The following ZSWIM2 variants were observed in gnomAD, a reference collection of about 807,000 sequenced individuals.
ZSWIM2 encodes E3 ubiquitin-protein ligase ZSWIM2.
In ZSWIM2, 38 loss-of-function variants were observed where a neutral mutation model predicts 48.4. The observed-to-expected ratio is 0.79, with a 90% CI of 0.61 to 1.03. The LOEUF is 1.03. ZSWIM2 is among the 50% of genes least tolerant of loss of function. ZSWIM2 has a pLI of 0.00. For missense variants in ZSWIM2, 776 were observed against 730.2 expected (o/e 1.06, Z -0.72); for synonymous variants, 240 against 251.3 (o/e 0.96, Z 0.42).
In ZSWIM2 at chr2:186,839,072, A is replaced by T. The variant is rs1293271311; in HGVS notation, c.381T>A (p.Asn127Lys). The change falls in exon 4 of 9, where the codon AAT becomes AAA. Residue 127 changes from asparagine to lysine, a missense_variant. Transcript: ENST00000295131. ...TGTACCCATCTTCTTCAACATGTTC[A>T]TTTTCGTCATTTGTTCCTGGTTGGG... ...QTPQPGTNDE[N>K]EHVEEDGYIK... The T allele has an allele frequency of 6.2e-7, 1 of 1,611,706 alleles. No individual in the cohort carries two copies. The highest frequency in any genetic ancestry group is 1.1e-5 in the South Asian group (1 of 90,986).
intron 4 of ZSWIM2, among the ~76,000 whole-genome samples, chr2:186,838,564 G>T (rs968579699): frequency 6.7e-6 from 1 of 150,054 alleles, no homozygotes; most frequent in Non-Finnish European, 1.5e-5. Context: ...GTGGGAAGAG[G>T]AATAATTGTG....
chr2:186,847,942 G>T, intron 1 of ZSWIM2, 147 bp from the exon 2 acceptor site: 1 of 494,726 alleles, frequency 2.0e-6, no homozygotes, highest in Non-Finnish European at 3.6e-6. Context: ...CTTAATTCTT[G>T]ATACTAGTCT....
chr2:186,838,357 A>AAG (rs1201008600), intron 4 of ZSWIM2, among the ~76,000 whole-genome samples: 1 of 151,276 alleles, frequency 6.6e-6, no homozygotes, highest in African/African-American at 2.4e-5. Flanking sequence ...TAAAAAAAAA[A>AAG]AAAGATTTGT....
At chr2:186,843,696 A>G (rs932068191) in intron 3 of ZSWIM2, among the ~76,000 whole-genome samples, 1 of 151,554 alleles carries the variant, frequency 6.6e-6, no homozygotes, top group Non-Finnish European at 1.5e-5. Context: ...AGTATTTAAG[A>G]TGCCCATGGG....
rs1053110018 is a variant in ZSWIM2 at position 186,837,475 on chromosome 2, A to G, written c.574T>C (p.Leu192=). Residue 192 remains leucine (L), a synonymous_variant, in exon 5 of 9, where the codon TTG becomes CTG. Transcript: ENST00000295131. ...NYQSTSNTSM[L]KCPLCRKEFA... ...TCTTTCCTGCACAGAGGACATTTCA[A>G]CATGGAAGTGTTTGATGTACTCTGA... 6.8e-6 allele frequency: 11 copies of G among 1,612,658 alleles called. No individual in the cohort carries two copies. The highest frequency in any genetic ancestry group is 9.3e-6 in the Non-Finnish European group (11 of 1,179,164).
chr2:186,839,126 C>G lies in ZSWIM2; in HGVS notation c.327G>C (p.Leu109Phe). 6.2e-7 allele frequency: 1 copy of G among 1,611,558 alleles called. No individual in the cohort carries two copies. Among genetic ancestry groups the G allele is most frequent in the Non-Finnish European group, 8.5e-7 (1 of 1,178,220 alleles). ...TTTGAACTCGATGTATCCCCCGAAG[C>G]AAGTCACTTATCTCTCTTTCTCCAA... ...LGLGEREISD[L>F]LRGIHRVQTP... Residue 109 changes from leucine (L) to phenylalanine (F), a missense_variant, in exon 4 of 9, where the codon TTG (leucine) becomes TTC (phenylalanine). Transcript: ENST00000295131.
At chr2:186,840,230 A>T (rs1691880259) in intron 3 of ZSWIM2, among the ~76,000 whole-genome samples, 1 of 151,676 alleles carries the variant, frequency 6.6e-6, no homozygotes. Flanking sequence ...TCTCTAAAAA[A>T]GGAGAGAAAA....
At chr2:186,843,585 A>G (rs1450251829) in intron 3 of ZSWIM2, among the ~76,000 whole-genome samples, 1 of 151,656 alleles carries the variant, frequency 6.6e-6, no homozygotes, top group African/African-American at 2.4e-5. Flanking sequence ...AGAGAAAAAA[A>G]TCAGAGAGAA....
chr2:186,839,865 T>C (rs889110257), intron 3 of ZSWIM2, among the ~76,000 whole-genome samples: 2 of 151,684 alleles, frequency 1.3e-5, no homozygotes, highest in Admixed American at 1.3e-4. Context: ...TCCTAGATTC[T>C]TCATTCCTTG....
At chr2:186,845,664 T>C (rs971456924) in intron 2 of ZSWIM2, among the ~76,000 whole-genome samples, 1 of 151,476 alleles carries the variant, frequency 6.6e-6, no homozygotes, top group Non-Finnish European at 1.5e-5. Context: ...ATTAAAATAA[T>C]ATTAATAATT....
chr2:186,843,999 T>C (rs73979378), intron 3 of ZSWIM2, among the ~76,000 whole-genome samples: 2,313 of 151,796 alleles, frequency 0.015, 62 homozygotes, highest in African/African-American at 0.053. Context: ...AAACTAATTA[T>C]CACTTTAATT....
chr2:186,829,916 T>C (rs748310928), intron 7 of ZSWIM2, 36 bp from the exon 8 acceptor site: 8 of 1,610,102 alleles, frequency 5.0e-6, no homozygotes, highest in South Asian at 4.4e-5. Flanking sequence ...AGTGTTTACA[T>C]GTTATTATAG....
At chr2:186,831,717 C>T (rs1691703107) in intron 7 of ZSWIM2, among the ~76,000 whole-genome samples, 1 of 152,036 alleles carries the variant, frequency 6.6e-6, no homozygotes, top group African/African-American at 2.4e-5. Flanking sequence ...GAGCTCATGT[C>T]CTTTGTAGGG....
At position 186,827,484 on chromosome 2, in the gene ZSWIM2, CAT is replaced by C. The variant is rs1460647792; in HGVS notation, c.*498_*499del. Among the ~76,000 whole-genome samples, 3 of 151,692 alleles carry C rather than the reference CAT, an allele frequency of 2.0e-5. No individual in the cohort carries two copies. Among genetic ancestry groups the C allele is most frequent in the African/African-American group, 7.3e-5 (3 of 41,378 alleles). On this transcript the variant is annotated 3_prime_UTR_variant, in exon 9 of 9. Transcript: ENST00000295131. ...AACATTAAGACCATTATAAATGTGA[CAT>C]AGCTGATAGTATTTCATTTTATTTT...
At chr2:186,832,200 C>T (rs1045680322) in intron 7 of ZSWIM2, among the ~76,000 whole-genome samples, 6 of 151,768 alleles carry the variant, frequency 4.0e-5, no homozygotes, top group East Asian at 3.9e-4. Flanking sequence ...CTGCAACCTC[C>T]GGCTTCCAGG....
At chr2:186,846,949 T>G (rs1692014771) in intron 2 of ZSWIM2, among the ~76,000 whole-genome samples, 1 of 151,852 alleles carries the variant, frequency 6.6e-6, no homozygotes, top group African/African-American at 2.4e-5. Context: ...TACTGCATGT[T>G]CTCAGTTGTA....
At position 186,827,997 on chromosome 2, in the gene ZSWIM2, C is replaced by A. The variant is rs765134992; in HGVS notation, c.1889G>T (p.Gly630Val). 2 of 1,574,574 alleles carry A rather than the reference C, an allele frequency of 1.3e-6. No individual in the cohort carries two copies. The highest frequency in any genetic ancestry group is 1.7e-6 in the Non-Finnish European group (2 of 1,163,878). The change falls in exon 9 of 9, where the codon GGA (glycine) becomes GTA (valine). Residue 630 changes from glycine to valine, a missense_variant. Gly to Val is a moderately radical substitution (Grantham distance 109). Coordinates refer to ENST00000295131, the MANE Select transcript of ZSWIM2 (RefSeq NM_182521.3). Reference sequence around the variant, plus strand: ...TAGTAAACTTTTTCACAATTGAACTCCTTCTATTATTAAAGATAGCTCAGT... The same window carrying A: ...TAGTAAACTTTTTCACAATTGAACTACTTCTATTATTAAAGATAGCTCAGT... Reference protein sequence around the residue: ...KSTELSLIIEGVQL With the variant: ...KSTELSLIIEVVQL
Position 186,847,724 on chromosome 2 carries a change from G to T in ZSWIM2, c.237C>A (p.Ile79=). 6.2e-7 allele frequency: 1 copy of T among 1,602,504 alleles called. No homozygotes were observed. Among genetic ancestry groups the T allele is most frequent in the Non-Finnish European group, 8.5e-7 (1 of 1,173,520 alleles). The change falls in exon 2 of 9, where the codon ATC becomes ATA. Residue 79 remains isoleucine (I), a synonymous_variant. Transcript: ENST00000295131. ...TCATTTGAAAAGTCACTTACCAGCA[G>T]ATATGCTTACAAAGTTCCCCTCCTT... The part of the protein sequence containing the change: ...FPKGGELCKH[I]CWVLLKKFKL...
chr2:186,834,115 T>C, intron 5 of ZSWIM2, 85 bp from the exon 6 acceptor site: 3 of 942,334 alleles, frequency 3.2e-6, no homozygotes, highest in Non-Finnish European at 3.3e-6. Context: ...GACCAAAACT[T>C]CCTGGGAACA....
Sources: gnomAD v4.1 joint callset for allele counts (sites outside exome capture counted in the v4.1 genomes callset) on GRCh38, gnomAD v4.1.1 for gene constraint, MANE v1.5 for transcripts, NCBI Gene and HGNC (gene_info 2026-07-23, HGNC 2026-07-21) for gene names.